CD109: variants seen among roughly 807,000 people sequenced by gnomAD.
CD109 encodes the protein CD109 molecule, also known as CD109 antigen.
Under a neutral mutation model 165.8 loss-of-function variants are expected in CD109, and 149 were observed. The ratio of observed to expected loss-of-function variants is 0.90; its 90% CI spans 0.79 to 1.03. CD109 has a LOEUF of 1.03. CD109 is among the 50% of genes least tolerant of loss of function. The pLI is 0.00. For missense variants in CD109, 1,712 were observed against 1,677.8 expected, an observed-to-expected ratio of 1.02 and a Z score of -0.36; for synonymous variants, 585 against 592.1, an observed-to-expected ratio of 0.99 and a Z score of 0.18.
chr6:73,766,054 A>C lies in CD109; in HGVS notation c.1232A>C (p.Lys411Thr), dbSNP rs2150228947. 1 of 1,614,084 alleles carries C rather than the reference A, an allele frequency of 6.2e-7. No homozygotes were observed. Among genetic ancestry groups the C allele is most frequent in the East Asian group, 2.2e-5 (1 of 44,872 alleles). Residue 411 changes from lysine to threonine, a missense_variant, in exon 11 of 33, where the codon AAA (lysine) becomes ACA (threonine). By Grantham distance (78) the Lys-to-Thr change is moderately conservative. Coordinates refer to ENST00000287097, the MANE Select transcript of CD109 (RefSeq NM_133493.5). ...AGCGGATCTAACAGTGGAAATCAGA[A>C]AATGGAAGCTGTTCAGAAAATAAAT... ...YWSGSNSGNQKMEAVQKINYT... is the reference protein window; with the variant it reads ...YWSGSNSGNQTMEAVQKINYT...
At chr6:73,775,386 C>A in intron 15 of CD109, among the ~76,000 whole-genome samples, 1 of 152,116 alleles carries the variant, frequency 6.6e-6, no homozygotes, top group East Asian at 1.9e-4. Flanking sequence ...TTAACTATAT[C>A]TCTCATGTTG....
At chr6:73,760,300 G>T (rs1399215091) in intron 7 of CD109, among the ~76,000 whole-genome samples, 1 of 151,128 alleles carries the variant, frequency 6.6e-6, no homozygotes, top group East Asian at 1.9e-4. Flanking sequence ...CCAGCTACTC[G>T]GGAGGCTGAG....
chr6:73,722,705 G>T (rs1243647178), intron 2 of CD109, among the ~76,000 whole-genome samples: 1 of 152,054 alleles, frequency 6.6e-6, no homozygotes, highest in East Asian at 1.9e-4. Context: ...TTTTCCCCTT[G>T]AAATAAATGG....
intron 23 of CD109, among the ~76,000 whole-genome samples, chr6:73,801,743 T>C (rs1022512270): frequency 1.3e-5 from 2 of 152,238 alleles, no homozygotes; most frequent in African/African-American, 2.4e-5. Context: ...AAATATGGTA[T>C]TTATAAAGTC....
chr6:73,745,135 T>C (rs1032034839), intron 5 of CD109, among the ~76,000 whole-genome samples: 2 of 152,218 alleles, frequency 1.3e-5, no homozygotes, highest in Admixed American at 6.5e-5. Flanking sequence ...AGAGTCTTGC[T>C]CTGTCACCCA....
chr6:73,696,382 G>T, intron 1 of CD109, 93 bp downstream of exon 1: 1 of 1,080,114 alleles, frequency 9.3e-7, no homozygotes, highest in Non-Finnish European at 1.2e-6. Flanking sequence ...GGCGGCTGCT[G>T]TGCAGCAGCG....
chr6:73,775,172 TTTGAGG>T (rs1328809847), intron 15 of CD109, among the ~76,000 whole-genome samples: 1 of 151,960 alleles, frequency 6.6e-6, no homozygotes, highest in African/African-American at 2.4e-5. Flanking sequence ...ATTGTGTATA[TTTGAGG>T]TTATGTGTAT....
chr6:73,815,175 G>T, intron 30 of CD109, 52 bp downstream of exon 30: 1 of 1,466,364 alleles, frequency 6.8e-7, no homozygotes. Flanking sequence ...AAATAGACTT[G>T]AAGGTTTAAT....
chr6:73,713,210 A>C (rs960611365), intron 2 of CD109, among the ~76,000 whole-genome samples: 3 of 152,172 alleles, frequency 2.0e-5, no homozygotes, highest in African/African-American at 4.8e-5. Context: ...CTGTATTTGT[A>C]AATTTAAAGG....
intron 30 of CD109, among the ~76,000 whole-genome samples, chr6:73,817,861 G>A (rs1173381999): frequency 6.6e-6 from 1 of 152,122 alleles, no homozygotes; most frequent in African/African-American, 2.4e-5. Flanking sequence ...TCAAGTATAT[G>A]GGAGAACAAA....
In CD109 at chr6:73,736,403, C is replaced by T; in HGVS notation, c.528C>T (p.Ile176=). 1 of 1,613,434 alleles carries T rather than the reference C, an allele frequency of 6.2e-7. No homozygotes were observed. The highest frequency in any genetic ancestry group is 8.5e-7 in the Non-Finnish European group (1 of 1,179,694). ...ILIKDPKSNL[I]QQWLSQQSDL... is the part of the protein sequence containing the mutation. The stretch of plus-strand genomic sequence containing the variant: ...TTTAGGACCCCAAATCAAATTTGAT[C>T]CAACAGTGGTTGTCACAACAAAGTG... Residue 176 remains isoleucine (I), a synonymous_variant, in exon 5 of 33, where the codon ATC becomes ATT. Transcript: ENST00000287097.
chr6:73,782,553 A>C, intron 17 of CD109, 61 bp from the exon 18 acceptor site: 1 of 1,488,014 alleles, frequency 6.7e-7, no homozygotes, highest in African/African-American at 1.4e-5. Flanking sequence ...TTGTATGTGG[A>C]GTTTACAATT....
rs147332997 is a variant in CD109, at chr6:73,772,069, C to G, written c.1827+488C>G. 1.1e-3 allele frequency among the ~76,000 whole-genome samples: 167 copies of G among 152,250 alleles called. 1 individual carries two copies. The highest frequency in any genetic ancestry group is 3.9e-3 in the African/African-American group (161 of 41,558). ...AAAAATGCCACCTATAGTTTTCCTT[C>G]ATTTTCATACTACATTTTAAGACAC... On this transcript the variant is annotated intron_variant, in intron 15 of 32. Transcript: ENST00000287097.
At chr6:73,702,288 T>G (rs1437583235) in intron 2 of CD109, among the ~76,000 whole-genome samples, 2 of 152,202 alleles carry the variant, frequency 1.3e-5, no homozygotes, top group Admixed American at 6.5e-5. Context: ...TTTTTAAAAA[T>G]TGAGATATTA....
rs1462494180 is a variant in CD109, at chr6:73,827,412, A to C, written c.*3779A>C. On this transcript the variant is annotated 3_prime_UTR_variant, in exon 33 of 33. Coordinates refer to ENST00000287097, the MANE Select transcript of CD109 (RefSeq NM_133493.5). ...ATTCCTCACTTTTTTTTTTGTCTTC[A>C]AATTCCAGTAAGGCATAGCACTTTT... The C allele has an allele frequency of 6.6e-6, 1 of 152,016 alleles. No individual in the cohort carries two copies. The highest frequency in any genetic ancestry group is 2.4e-5 in the African/African-American group (1 of 41,424). 9.4% of individuals were successfully genotyped at this position (152,016 alleles called of 1,614,324 possible).
At chr6:73,798,645 A>G (rs987382328) in intron 23 of CD109, among the ~76,000 whole-genome samples, 2 of 152,106 alleles carry the variant, frequency 1.3e-5, no homozygotes, top group African/African-American at 2.4e-5. Flanking sequence ...TGCTCAAGAA[A>G]TTCACTGCAA....
intron 2 of CD109, among the ~76,000 whole-genome samples, chr6:73,714,005 C>T (rs9442950): frequency 0.045 from 6,870 of 151,978 alleles, 535 homozygotes; most frequent in African/African-American, 0.16. Flanking sequence ...CACATTGCTT[C>T]CTCCAGTTAT....
At chr6:73,724,225 C>T (rs1039859799) in intron 3 of CD109, among the ~76,000 whole-genome samples, 3 of 152,170 alleles carry the variant, frequency 2.0e-5, no homozygotes, top group Non-Finnish European at 4.4e-5. Context: ...CACCATAGCC[C>T]TGGCCTTGGA....
intron 2 of CD109, among the ~76,000 whole-genome samples, chr6:73,704,223 T>C (rs193112618): frequency 1.5e-4 from 22 of 151,248 alleles, no homozygotes; most frequent in Admixed American, 3.9e-4. Context: ...TGTTCCACCA[T>C]GACCACAGGT....
Sources: allele counts gnomAD v4.1 joint callset (sites outside exome capture counted in the v4.1 genomes callset), GRCh38; gene constraint gnomAD v4.1.1; transcripts MANE v1.5; gene names NCBI Gene and HGNC (gene_info 2026-07-23, HGNC 2026-07-21).